Variants in HECTD4 observed in about 807,000 individuals in gnomAD.
HECTD4 encodes HECT domain E3 ubiquitin protein ligase 4.
HECTD4 carries 114 observed loss-of-function variants against 471.5 expected under a neutral mutation model. The observed-to-expected ratio is 0.24, with a 90% CI of 0.21 to 0.28. The LOEUF is 0.28. Ranked by LOEUF, HECTD4 falls within the 10% of genes least tolerant of loss-of-function variation. The pLI, the probability that HECTD4 is intolerant of heterozygous loss-of-function variation, is 1.00. For synonymous variants in HECTD4, 2,012 were observed against 2,256.0 expected (o/e 0.89, Z 3.07); for missense variants, 3,866 against 5,651.5 (o/e 0.68, Z 10.13).
intron 54 of HECTD4, among the ~76,000 whole-genome samples, chr12:112,201,753 C>T (rs753818729): frequency 3.9e-5 from 6 of 152,066 alleles, no homozygotes; most frequent in Non-Finnish European, 8.8e-5. Flanking sequence ...ATATTTCCAG[C>T]GCAAACTGTT....
In HECTD4 at chr12:112,234,249, G is replaced by C. The variant is rs569048119; in HGVS notation, c.5915+828C>G. Among the ~76,000 whole-genome samples, 48 of 152,122 alleles carry C rather than the reference G, an allele frequency of 3.2e-4. 1 individual carries two copies. Among genetic ancestry groups the C allele is most frequent in the African/African-American group, 1.1e-3 (46 of 41,514 alleles). On this transcript the variant is annotated intron_variant, in intron 37 of 75. Transcript: ENST00000682272. ...TCTTCTTCCCCTGCCTCCTGAACTT[G>C]GTTCTCCAAAAAAAATCTTTCATCA...
intron 29 of HECTD4, among the ~76,000 whole-genome samples, chr12:112,244,297 G>A (rs887761856): frequency 2.0e-5 from 3 of 152,158 alleles, no homozygotes; most frequent in African/African-American, 4.8e-5. Flanking sequence ...TCACTTTAAT[G>A]TAAGCATTCT....
intron 45 of HECTD4, among the ~76,000 whole-genome samples, chr12:112,218,157 C>CAA (rs778886623): frequency 2.7e-5 from 3 of 113,188 alleles, no homozygotes; most frequent in Non-Finnish European, 3.8e-5. Context: ...GACTCCATTT[C>CAA]AAAAAAAAAA....
At chr12:112,282,492 A>C (rs566654323) in intron 8 of HECTD4, among the ~76,000 whole-genome samples, 1 of 152,340 alleles carries the variant, frequency 6.6e-6, no homozygotes. Context: ...TGAACATATA[A>C]ATTTATCTTT....
At chr12:112,303,625 T>C (rs2035209742) in intron 7 of HECTD4, among the ~76,000 whole-genome samples, 1 of 151,986 alleles carries the variant, frequency 6.6e-6, no homozygotes, top group African/African-American at 2.4e-5. Context: ...TGAGGCATGC[T>C]GATCACTTGA....
Position 112,308,857 on chromosome 12 carries a change from G to T in HECTD4, c.1060C>A (p.Pro354Thr). ...CCGCTGCCAAAAGCCACCCATCCTG[G>T]TTCCAACTCCTCGTTCCGGCAGTAC... ...FVYCRNEELEPGWVAFGSGSL... is the reference protein window; with the variant it reads ...FVYCRNEELETGWVAFGSGSL... The change falls in exon 6 of 76, where the codon CCA (proline) becomes ACA (threonine). Residue 354 changes from proline to threonine, a missense_variant. Physicochemically the swap from Pro to Thr is conservative, Grantham distance 38. Around this residue, in one of 16 missense-constraint regions of HECTD4, gnomAD observed 440 missense variants for 636.0 expected, o/e 0.69. Coordinates refer to ENST00000682272, the MANE Select transcript of HECTD4 (RefSeq NM_001388303.1). 1 of 1,536,052 alleles carries T rather than the reference G, an allele frequency of 6.5e-7. No homozygotes were observed. The highest frequency in any genetic ancestry group is 8.7e-7 in the Non-Finnish European group (1 of 1,146,854).
rs2034384272 is a variant in HECTD4 at position 112,270,240 on chromosome 12, A to T, written c.2162T>A (p.Leu721His). Residue 721 changes from leucine (L) to histidine (H), a missense_variant, in exon 12 of 76, where the codon CTC becomes CAC. Around this residue, in one of 16 missense-constraint regions of HECTD4, gnomAD observed 525 missense variants for 672.6 expected, o/e 0.78. Transcript: ENST00000682272. ...NGDTCIIRCI[L>H]VVFQVVFKFF... Reference sequence around the variant, plus strand: ...CAGTGTATTTACCTGAAAGACAACGAGAATGCAGCGTATAATACAGGTATC... The same window carrying T: ...CAGTGTATTTACCTGAAAGACAACGTGAATGCAGCGTATAATACAGGTATC... 1 of 1,612,516 alleles carries T rather than the reference A, an allele frequency of 6.2e-7. No individual in the cohort carries two copies. The highest frequency in any genetic ancestry group is 1.3e-5 in the African/African-American group (1 of 74,904).
At chr12:112,283,026 T>C in intron 8 of HECTD4, 84 bp downstream of exon 8, 1 of 1,113,280 alleles carries the variant, frequency 9.0e-7, no homozygotes, top group Non-Finnish European at 1.3e-6. Context: ...AAGGGCTTTG[T>C]ACAGCACGGA....
chr12:112,355,852 G>A (rs1268105310), intron 1 of HECTD4, among the ~76,000 whole-genome samples: 1 of 152,182 alleles, frequency 6.6e-6, no homozygotes, highest in East Asian at 1.9e-4. Context: ...TTGTGTGGAT[G>A]ATATCACAGA....
Position 112,247,017 on chromosome 12 carries a change from T to G in HECTD4, c.4397A>C (p.Lys1466Thr), listed in dbSNP as rs1180496137. ...LIQKPSHPLA[K>T]TKTLVKSLMN... Reference sequence around the variant, plus strand: ...TAAACTCTTCACTAACGTCTTTGTTTTAGCCAGTGGGTGTGAGGGTTTCTG... The same window carrying G: ...TAAACTCTTCACTAACGTCTTTGTTGTAGCCAGTGGGTGTGAGGGTTTCTG... Residue 1466 changes from lysine (K) to threonine (T), a missense_variant, in exon 29 of 76, where the codon AAA becomes ACA. Coordinates refer to ENST00000682272, the MANE Select transcript of HECTD4 (RefSeq NM_001388303.1). 6.2e-7 allele frequency: 1 copy of G among 1,611,614 alleles called. No homozygotes were observed. The highest frequency in any genetic ancestry group is 8.5e-7 in the Non-Finnish European group (1 of 1,179,600).
In HECTD4 at chr12:112,184,787, G is replaced by C. The variant is rs1442939402; in HGVS notation, c.10179C>G (p.Thr3393=). The C allele has an allele frequency of 6.2e-7, 1 of 1,610,980 alleles. No individual in the cohort carries two copies. The highest frequency in any genetic ancestry group is 1.3e-5 in the African/African-American group (1 of 74,906). ...ADACQALVGP[T]AHSRLLVISG... is the part of the protein sequence containing the mutation. ...AGATCACCAGCAAGCGGCTGTGGGC[G>C]GTGGGGCCCACCAGGGCCTGGCAGG... The change falls in exon 61 of 76, where the codon ACC becomes ACG. Residue 3393 remains threonine (T), a synonymous_variant. Transcript: ENST00000682272. This position sits in a 1 kb window ranked among gnomAD's most constrained non-coding sequence, Gnocchi z 9.1.
At chr12:112,347,268 C>T (rs1327982256) in intron 1 of HECTD4, among the ~76,000 whole-genome samples, 4 of 152,010 alleles carry the variant, frequency 2.6e-5, no homozygotes, top group African/African-American at 7.2e-5. Flanking sequence ...CCAGGACTTT[C>T]GGAGGCCGAG....
At chr12:112,225,488 T>C (rs1337847558) in intron 44 of HECTD4, among the ~76,000 whole-genome samples, 2 of 151,902 alleles carry the variant, frequency 1.3e-5, no homozygotes, top group African/African-American at 4.8e-5. Flanking sequence ...GGACAAAAGA[T>C]AAATTTTCAT....
chr12:112,268,652 A>G (rs2135616609), intron 13 of HECTD4, among the ~76,000 whole-genome samples: 1 of 151,932 alleles, frequency 6.6e-6, no homozygotes, highest in Admixed American at 6.5e-5. Context: ...TCTACTTGAG[A>G]GGCTGAGGCA....
intron 1 of HECTD4, among the ~76,000 whole-genome samples, chr12:112,324,637 T>C (rs760454383): frequency 3.9e-5 from 6 of 152,158 alleles, no homozygotes; most frequent in East Asian, 3.9e-4. Context: ...GAAGCTGTTA[T>C]CAAACTCAAG....
chr12:112,242,038 T>C (rs2033652887), intron 32 of HECTD4, among the ~76,000 whole-genome samples: 1 of 152,202 alleles, frequency 6.6e-6, no homozygotes, highest in African/African-American at 2.4e-5. Context: ...TATTTGAAGA[T>C]TTTTGAAGCC....
At chr12:112,203,590 C>T in intron 54 of HECTD4, 46 bp downstream of exon 54, 1 of 1,519,170 alleles carries the variant, frequency 6.6e-7, no homozygotes, top group African/African-American at 1.4e-5. Context: ...ATGACAGCCT[C>T]AGTATATATA....
At chr12:112,254,514 CAAAT>C (rs1406473188) in intron 21 of HECTD4, among the ~76,000 whole-genome samples, 2 of 152,014 alleles carry the variant, frequency 1.3e-5, no homozygotes, top group Non-Finnish European at 2.9e-5. Flanking sequence ...TAATTAATAA[CAAAT>C]AACTCATTAA....
In HECTD4 at chr12:112,167,136, G is replaced by A. The variant is rs2137000753; in HGVS notation, c.12534+181C>T. The A allele has an allele frequency of 1.6e-5, 8 of 514,224 alleles. No homozygotes were observed. The South Asian group carries it at 2.6e-4, about 16-fold the overall frequency. The allele number at this position is 514,224 out of a possible 1,614,324, so 31.9% of individuals were successfully genotyped here. A position where few individuals can be genotyped will look rare whatever the true frequency, so the allele number is the denominator to read the frequency against. On this transcript the variant is annotated intron_variant, in intron 72 of 75. Transcript: ENST00000682272. ...CCAATCTCTGCTGCCAGCAGGGAGG[G>A]AGGCCAGAGGCCTCTGTCCCCATGA...
Sources: allele counts gnomAD v4.1 joint callset (sites outside exome capture counted in the v4.1 genomes callset), GRCh38; gene constraint gnomAD v4.1.1; regional missense constraint gnomAD v4.1.1; non-coding constraint Gnocchi (gnomAD v3.1); transcripts MANE v1.5; gene names NCBI Gene and HGNC (gene_info 2026-07-23, HGNC 2026-07-21).